Variants in GPATCH1 observed in about 807,000 individuals in gnomAD.
GPATCH1 encodes the protein G patch domain-containing protein 1.
GPATCH1 carries 73 observed loss-of-function variants against 114.9 expected under a neutral mutation model. That is an observed-to-expected ratio of 0.64 (90% CI 0.53 to 0.77). The LOEUF (loss-of-function observed/expected upper bound fraction) is 0.77, where lower values mean the gene tolerates loss of function less well. Among genes scored for constraint, GPATCH1 ranks in the 30% least tolerant of loss-of-function variants. The pLI is 0.00. For synonymous variants in GPATCH1, 391 were observed against 428.4 expected (o/e 0.91, Z 1.08); for missense variants, 1,058 against 1,144.3 (o/e 0.92, Z 1.09).
rs371718022 is a variant in GPATCH1 at position 33,083,953 on chromosome 19, G to A, written c.73+2687G>A. Among the ~76,000 whole-genome samples, 11 of 152,072 alleles carry A rather than the reference G, an allele frequency of 7.2e-5. 1 individual carries two copies. Among genetic ancestry groups the A allele is most frequent in the African/African-American group, 2.7e-4 (11 of 41,464 alleles). ...GCCTCCCGAGTGGCTGGGATTATAG[G>A]TGCCCACCACCATGCCCGGCTAATT... On this transcript the variant is annotated intron_variant, in intron 1 of 19. Transcript: ENST00000170564.
At position 33,094,194 on chromosome 19, in the gene GPATCH1, C is replaced by A. The variant is rs750821205; in HGVS notation, c.478C>A (p.Leu160Ile). The change falls in exon 5 of 20, where the codon CTA becomes ATA. Residue 160 changes from leucine to isoleucine, a missense_variant. Leu to Ile is a conservative substitution (Grantham distance 5). Transcript: ENST00000170564. ...PAKLSVGFEL[L>I]RKMGWKEGQG... ...TAGATTATCTGTTGGTTTCGAATTGCTAAGAAAAATGGGTTGGAAAGAAGG... is the reference window on the plus strand; with the variant it reads ...TAGATTATCTGTTGGTTTCGAATTGATAAGAAAAATGGGTTGGAAAGAAGG... 4 of 1,603,930 alleles carry A rather than the reference C, an allele frequency of 2.5e-6. No individual in the cohort carries two copies. Among genetic ancestry groups the A allele is most frequent in the Non-Finnish European group, 3.4e-6 (4 of 1,170,892 alleles).
At chr19:33,128,181 C>G (rs553885073) in intron 19 of GPATCH1, among the ~76,000 whole-genome samples, 3 of 151,926 alleles carry the variant, frequency 2.0e-5, no homozygotes, top group Non-Finnish European at 2.9e-5. Flanking sequence ...TCTGCCTCTC[C>G]GGCTCAAGGG....
At chr19:33,109,631 G>T in intron 10 of GPATCH1, 86 bp from the exon 11 acceptor site, 2 of 763,342 alleles carry the variant, frequency 2.6e-6, no homozygotes, top group South Asian at 2.2e-5. Context: ...ATGTAAATTT[G>T]TGTTATTGAA....
At chr19:33,127,853 C>T (rs897142530) in intron 19 of GPATCH1, among the ~76,000 whole-genome samples, 3 of 151,698 alleles carry the variant, frequency 2.0e-5, no homozygotes, top group African/African-American at 7.3e-5. Context: ...GGATTACAGG[C>T]ACCCGCCCCC....
intron 8 of GPATCH1, among the ~76,000 whole-genome samples, chr19:33,100,861 C>T (rs557987921): frequency 6.6e-6 from 1 of 151,642 alleles, no homozygotes; most frequent in East Asian, 1.9e-4. Context: ...CCAGTACGTG[C>T]AGGAAAACCT....
rs138853057 is a variant in GPATCH1, at chr19:33,128,362, G to C, written c.2765+1629G>C. ...TGCAAGCTCCACCTCCTGGGTTCAC[G>C]CCATTCTCCTGCCTCAGCCTCCTGA... On this transcript the variant is annotated intron_variant, in intron 19 of 19. Transcript: ENST00000170564. 3.2e-4 allele frequency among the ~76,000 whole-genome samples: 49 copies of C among 152,298 alleles called. 1 individual carries two copies. The South Asian group carries it at 0.01, about 32-fold the overall frequency.
At chr19:33,128,519 C>T (rs1327374741) in intron 19 of GPATCH1, among the ~76,000 whole-genome samples, 1 of 152,148 alleles carries the variant, frequency 6.6e-6, no homozygotes, top group Admixed American at 6.5e-5. Flanking sequence ...CTTGGCCTCC[C>T]AAAGTGCCGG....
At chr19:33,101,889 C>A (rs780720285) in intron 9 of GPATCH1, among the ~76,000 whole-genome samples, 1 of 151,624 alleles carries the variant, frequency 6.6e-6, no homozygotes, top group Non-Finnish European at 1.5e-5. Flanking sequence ...ATTAGCCGCA[C>A]GTGGTGTCGC....
intron 12 of GPATCH1, 28 bp from the exon 13 acceptor site, chr19:33,112,458 A>G (rs747939027): frequency 6.2e-7 from 1 of 1,613,018 alleles, no homozygotes; most frequent in South Asian, 1.1e-5. Context: ...CGGCCACTTG[A>G]TGGAACAGAA....
chr19:33,126,419 C>G (rs1181752123), intron 18 of GPATCH1, among the ~76,000 whole-genome samples, 169 bp from the exon 19 acceptor site: 2 of 152,188 alleles, frequency 1.3e-5, no homozygotes, highest in East Asian at 3.8e-4. Flanking sequence ...AGTGGCACAG[C>G]CGTCTGCCCT....
intron 9 of GPATCH1, among the ~76,000 whole-genome samples, chr19:33,102,555 G>A (rs571108344): frequency 6.6e-6 from 1 of 151,444 alleles, no homozygotes; most frequent in East Asian, 2.0e-4. Context: ...CACCACCACG[G>A]CTGGCTAATC....
chr19:33,118,069 C>G, intron 16 of GPATCH1, 28 bp downstream of exon 16: 1 of 1,498,184 alleles, frequency 6.7e-7, no homozygotes, highest in South Asian at 1.1e-5. Flanking sequence ...ACTCGGGGAT[C>G]TAAAGGAGAA....
chr19:33,114,410 C>T lies in GPATCH1; in HGVS notation c.2187C>T (p.Ser729=), dbSNP rs148807065. Residue 729 remains serine (S), a synonymous_variant, in exon 15 of 20, where the codon TCC becomes TCT. Coordinates refer to ENST00000170564, the MANE Select transcript of GPATCH1 (RefSeq NM_018025.3). ...NKEEEHAPEL[S]ANQTVNKDVD... is the part of the protein sequence containing the mutation. ...AGGAAGAGCATGCACCAGAATTATC[C>T]GCAAATCAGGTATTTGGGGCTTCCA... 882 of 1,592,630 alleles carry T rather than the reference C, an allele frequency of 5.5e-4. 3 individuals are homozygous for T. In the African/African-American group the frequency reaches 0.01, roughly 18 times the overall value.
chr19:33,089,325 G>A (rs911542398), intron 2 of GPATCH1, among the ~76,000 whole-genome samples: 2 of 152,206 alleles, frequency 1.3e-5, no homozygotes, highest in African/African-American at 4.8e-5. Flanking sequence ...GCCCTCTTCA[G>A]ACACTGGGGA....
chr19:33,102,067 C>T (rs1217380516), intron 9 of GPATCH1, among the ~76,000 whole-genome samples: 2 of 148,942 alleles, frequency 1.3e-5, no homozygotes, highest in Non-Finnish European at 3.0e-5. Flanking sequence ...GGCGTGGTGG[C>T]TCACGCCTGT....
chr19:33,093,275 T>TG, intron 3 of GPATCH1, 84 bp from the exon 4 acceptor site: 1 of 908,968 alleles, frequency 1.1e-6, no homozygotes, highest in Non-Finnish European at 1.7e-6. Context: ...TTTAACTTTT[T>TG]TTTTTTAACA....
chr19:33,090,935 C>T (rs1972587656), intron 3 of GPATCH1, 70 bp downstream of exon 3: 2 of 888,124 alleles, frequency 2.3e-6, no homozygotes, highest in African/African-American at 1.6e-5. Context: ...TAACTGCCTT[C>T]TCTCTCCCCA....
chr19:33,111,729 C>T lies in GPATCH1; in HGVS notation c.1591C>T (p.Leu531=), dbSNP rs367971604. 21 of 1,613,792 alleles carry T rather than the reference C, an allele frequency of 1.3e-5. No homozygotes were observed. In the African/African-American group the frequency reaches 1.7e-4, roughly 13 times the overall value. The change falls in exon 12 of 20, where the codon CTG becomes TTG. Residue 531 remains leucine (L), a synonymous_variant. Coordinates refer to ENST00000170564, the MANE Select transcript of GPATCH1 (RefSeq NM_018025.3). ...VHMKQGQKDA[L]ERCLDPSMTE... ...CTTGTTCTCTGCCCCCGCAGATGCTCTGGAACGCTGTCTGGACCCCAGCAT... is the reference window on the plus strand; with the variant it reads ...CTTGTTCTCTGCCCCCGCAGATGCTTTGGAACGCTGTCTGGACCCCAGCAT...
intron 5 of GPATCH1, among the ~76,000 whole-genome samples, chr19:33,095,257 GT>G (rs940614947): frequency 0.045 from 4,876 of 109,370 alleles, 76 homozygotes; most frequent in East Asian, 0.22. Flanking sequence ...TATCAGTGAG[GT>G]TTTTTTTTTT....
Sources: allele counts gnomAD v4.1 joint callset (sites outside exome capture counted in the v4.1 genomes callset), GRCh38; gene constraint gnomAD v4.1.1; transcripts MANE v1.5; gene names NCBI Gene and HGNC (gene_info 2026-07-23, HGNC 2026-07-21).